Variants in TNFSF4 observed in about 807,000 individuals in gnomAD.
TNFSF4 encodes tumor necrosis factor ligand superfamily member 4.
TNFSF4 carries 4 observed loss-of-function variants against 7.3 expected under a neutral mutation model. The ratio of observed to expected loss-of-function variants is 0.55; its 90% confidence interval spans 0.27 to 1.25. The LOEUF (loss-of-function observed/expected upper bound fraction) is 1.25, where lower values mean the gene tolerates loss of function less well. Among genes scored for constraint, TNFSF4 ranks in the 50% most tolerant of loss-of-function variants. The pLI, the probability that TNFSF4 is intolerant of heterozygous loss-of-function variation, is 0.12. For synonymous variants in TNFSF4, 76 were observed against 83.7 expected (o/e 0.91, Z 0.50); for missense variants, 181 against 208.8 (o/e 0.87, Z 0.82).
chr1:173,222,549 TG>T, the TNFSF4 span, among the ~76,000 whole-genome samples: 2 of 152,178 alleles, frequency 1.3e-5, no homozygotes, highest in Non-Finnish European at 2.9e-5. Context: ...TTAGGTTAAA[TG>T]CATACAAATT....
the TNFSF4 span, among the ~76,000 whole-genome samples, chr1:173,349,449 G>A: frequency 1.3e-5 from 2 of 152,284 alleles, no homozygotes; most frequent in East Asian, 1.9e-4. Context: ...TATAGTATAA[G>A]TATACTATAT....
At chr1:173,390,734 C>CTTCTTTTTTTTTT in the TNFSF4 span, among the ~76,000 whole-genome samples, 1 of 85,456 alleles carries the variant, frequency 1.2e-5, no homozygotes, top group Non-Finnish European at 2.2e-5. Context: ...CAACATTCTG[C>CTTCTTTTTTTTTT]TTCTTTTTTT....
At chr1:173,178,631 A>C in the TNFSF4 span, among the ~76,000 whole-genome samples, 6,644 of 152,272 alleles carry the variant, frequency 0.044, 499 homozygotes, top group African/African-American at 0.15. Context: ...TGCTGGATAT[A>C]AAATTCTTGG....
At chr1:173,241,119 A>C in the TNFSF4 span, among the ~76,000 whole-genome samples, 1 of 152,192 alleles carries the variant, frequency 6.6e-6, no homozygotes, top group Non-Finnish European at 1.5e-5. Flanking sequence ...ATTTCTACAA[A>C]AGTCAAGAAA....
At chr1:173,232,577 C>T in the TNFSF4 span, among the ~76,000 whole-genome samples, 9 of 152,120 alleles carry the variant, frequency 5.9e-5, no homozygotes, top group Non-Finnish European at 1.2e-4. Context: ...CCAGTTTTTG[C>T]CCATTCAGTA....
the TNFSF4 span, among the ~76,000 whole-genome samples, chr1:173,361,200 A>G: frequency 6.6e-6 from 1 of 152,182 alleles, no homozygotes; most frequent in East Asian, 1.9e-4. Context: ...GGTCCAGATG[A>G]CTGCAGGGCT....
chr1:173,294,307 A>G, the TNFSF4 span, among the ~76,000 whole-genome samples: 1 of 152,126 alleles, frequency 6.6e-6, no homozygotes, highest in Admixed American at 6.6e-5. Context: ...TTGCAGCAAC[A>G]TGGATGCAGC....
At chr1:173,369,822 T>C in the TNFSF4 span, among the ~76,000 whole-genome samples, 4 of 152,150 alleles carry the variant, frequency 2.6e-5, no homozygotes, top group Admixed American at 1.3e-4. Context: ...TGGAGTGAAA[T>C]ACTTTATGTC....
chr1:173,315,188 A>C, the TNFSF4 span, among the ~76,000 whole-genome samples: 1 of 152,152 alleles, frequency 6.6e-6, no homozygotes, highest in South Asian at 2.1e-4. Flanking sequence ...AATAAATAAA[A>C]AATTCTGGCC....
At chr1:173,445,389 T>A in the TNFSF4 span, among the ~76,000 whole-genome samples, 1 of 152,116 alleles carries the variant, frequency 6.6e-6, no homozygotes, top group African/African-American at 2.4e-5. Flanking sequence ...TTCAGATAAA[T>A]CCCTTCTGTC....
chr1:173,412,961 AC>A, the TNFSF4 span, among the ~76,000 whole-genome samples: 1 of 152,026 alleles, frequency 6.6e-6, no homozygotes, highest in African/African-American at 2.4e-5. Context: ...TCACATACTC[AC>A]TCCTGCATCC....
intron 1 of TNFSF4, among the ~76,000 whole-genome samples, chr1:173,190,050 A>T (rs1309341928): frequency 1.9e-5 from 2 of 104,328 alleles, no homozygotes; most frequent in African/African-American, 1.2e-4. Flanking sequence ...TCTCTGCTTA[A>T]AAAAAAAAAA....
chr1:173,227,019 T>C, the TNFSF4 span, among the ~76,000 whole-genome samples: 4 of 152,230 alleles, frequency 2.6e-5, no homozygotes, highest in Admixed American at 2.6e-4. Context: ...ATGACCTAAC[T>C]GCAAGGACTT....
the TNFSF4 span, among the ~76,000 whole-genome samples, chr1:173,392,177 C>T: frequency 1.3e-5 from 2 of 152,184 alleles, no homozygotes; most frequent in Non-Finnish European, 2.9e-5. Flanking sequence ...CTGTGTCTAA[C>T]TTGTTAACCC....
chr1:173,296,461 A>T, the TNFSF4 span, among the ~76,000 whole-genome samples: 3 of 151,996 alleles, frequency 2.0e-5, no homozygotes, highest in Non-Finnish European at 4.4e-5. Flanking sequence ...ACACACAAAA[A>T]AATACAGAGT....
chr1:173,296,910 A>G, the TNFSF4 span, among the ~76,000 whole-genome samples: 1 of 151,952 alleles, frequency 6.6e-6, no homozygotes, highest in Non-Finnish European at 1.5e-5. Context: ...ACAGCCTCTC[A>G]ATAGGCCTTG....
downstream of TNFSF4, among the ~76,000 whole-genome samples, chr1:173,180,298 T>G (rs1019311717): frequency 6.6e-6 from 1 of 152,188 alleles, no homozygotes; most frequent in African/African-American, 2.4e-5. Flanking sequence ...TTCTCTTCAA[T>G]CCAATTCATA....
chr1:173,330,049 G>A, the TNFSF4 span, among the ~76,000 whole-genome samples: 1 of 152,060 alleles, frequency 6.6e-6, no homozygotes, highest in South Asian at 2.1e-4. Context: ...GGCCATAGGG[G>A]AGTAACACTG....
At chr1:173,279,449 C>G in the TNFSF4 span, among the ~76,000 whole-genome samples, 24 of 152,094 alleles carry the variant, frequency 1.6e-4, no homozygotes, top group African/African-American at 5.5e-4. Flanking sequence ...GTTAAAAACC[C>G]CAATTTAAAT....
Sources: gnomAD v4.1 joint callset for allele counts (sites outside exome capture counted in the v4.1 genomes callset) on GRCh38, gnomAD v4.1.1 for gene constraint, MANE v1.5 for transcripts, NCBI Gene and HGNC (gene_info 2026-07-23, HGNC 2026-07-21) for gene names.